Variants in MSL1 observed in about 807,000 individuals in gnomAD.
MSL1 encodes the protein male-specific lethal 1 homolog.
Under a neutral mutation model 64.6 loss-of-function variants are expected in MSL1, and 21 were observed. The ratio of observed to expected loss-of-function variants is 0.33; its 90% CI spans 0.23 to 0.47. The LOEUF (loss-of-function observed/expected upper bound fraction) is 0.47. Ranked by LOEUF, MSL1 falls within the 20% of genes least tolerant of loss-of-function variation. MSL1 has a pLI of 1.00. For missense variants in MSL1, 664 were observed against 793.2 expected, an observed-to-expected ratio of 0.84 and a Z score of 1.96; for synonymous variants, 339 against 329.6, an observed-to-expected ratio of 1.03 and a Z score of -0.31.
chr17:40,122,013 G>C lies in MSL1; in HGVS notation c.-600G>C, dbSNP rs1206002566. Among the ~76,000 whole-genome samples the C allele has an allele frequency of 6.6e-6, 1 of 151,542 alleles. No homozygotes were observed. The highest frequency in any genetic ancestry group is 1.5e-5 in the Non-Finnish European group (1 of 67,802). On this transcript the variant is annotated 5_prime_UTR_variant, in exon 1 of 9. Transcript: ENST00000398532. This position sits in a 1 kb window ranked among gnomAD's most constrained non-coding sequence, Gnocchi z 4.2. ...CGGCGGCTGCGGCGGTGGCGGCTAC[G>C]AGCGGCTCCGTTTTTTTAAAGGGAA...
At chr17:40,132,632 A>G (rs1281371999) in intron 5 of MSL1, among the ~76,000 whole-genome samples, 3 of 152,084 alleles carry the variant, frequency 2.0e-5, no homozygotes, top group African/African-American at 7.3e-5. Context: ...GAGTGACTCC[A>G]TCACACACAC....
In MSL1 at chr17:40,122,868, G is replaced by C; in HGVS notation, c.256G>C (p.Gly86Arg). The C allele has an allele frequency of 1.4e-6, 2 of 1,392,574 alleles. No homozygotes were observed. The highest frequency in any genetic ancestry group is 1.8e-6 in the Non-Finnish European group (2 of 1,083,038). The allele number at this position is 1,392,574 out of a possible 1,614,324, so 86.3% of individuals were successfully genotyped here. Residue 86 changes from glycine (G) to arginine (R), a missense_variant, in exon 1 of 9, where the codon GGG becomes CGG. Physicochemically the swap from Gly to Arg is moderately radical, Grantham distance 125 (BLOSUM62 -2). Around this residue, in one of 4 missense-constraint regions of MSL1, gnomAD observed 466 missense variants for 499.0 expected, o/e 0.93. Transcript: ENST00000398532. This position sits in a 1 kb window ranked among gnomAD's most constrained non-coding sequence, Gnocchi z 4.2. ...GKGRGLLLPA[G>R]AAPGQQEESW... ...GGGCCGGGGCTTGTTACTCCCGGCC[G>C]GGGCGGCCCCCGGGCAGCAGGAAGA...
At chr17:40,132,506 C>G (rs780244381) in intron 5 of MSL1, among the ~76,000 whole-genome samples, 5 of 151,978 alleles carry the variant, frequency 3.3e-5, no homozygotes, top group Non-Finnish European at 5.9e-5. Flanking sequence ...GGCGTGGTGG[C>G]GCACACCTGT....
At chr17:40,123,816 T>C (rs1988251266) in intron 1 of MSL1, among the ~76,000 whole-genome samples, 1 of 152,196 alleles carries the variant, frequency 6.6e-6, no homozygotes, top group Admixed American at 6.5e-5. Flanking sequence ...TCACCACTGC[T>C]GCAGCATCTT....
chr17:40,129,825 A>G (rs1429187324), intron 3 of MSL1, 198 bp downstream of exon 3: 1 of 588,058 alleles, frequency 1.7e-6, no homozygotes, highest in Non-Finnish European at 2.8e-6. Context: ...TGCTCAATGT[A>G]TTTGCCTGCT....
In MSL1 at chr17:40,126,192, C is replaced by T; in HGVS notation, c.778C>T (p.Arg260Trp). 6.2e-7 allele frequency: 1 copy of T among 1,613,912 alleles called. No individual in the cohort carries two copies. Among genetic ancestry groups the T allele is most frequent in the Non-Finnish European group, 8.5e-7 (1 of 1,179,878 alleles). The change falls in exon 2 of 9, where the codon CGG (arginine) becomes TGG (tryptophan). Residue 260 changes from arginine to tryptophan, a missense_variant. This residue lies in a region of MSL1 where 466 missense variants were observed against 499.0 expected (regional missense o/e 0.93). Coordinates refer to ENST00000398532, the MANE Select transcript of MSL1 (RefSeq NM_001365919.1). ...LKSERDTLLA[R>W]IERMERRMQL... Reference sequence around the variant, plus strand: ...CTACTCTCTCTTTTAGCTCCTTGCTCGGATTGAACGTATGGAAAGGCGGAT... The same window carrying T: ...CTACTCTCTCTTTTAGCTCCTTGCTTGGATTGAACGTATGGAAAGGCGGAT...
Position 40,126,400 on chromosome 17 carries a change from A to G in MSL1, c.986A>G (p.His329Arg). The G allele has an allele frequency of 6.2e-7, 1 of 1,613,918 alleles. No homozygotes were observed. Among genetic ancestry groups the G allele is most frequent in the Non-Finnish European group, 8.5e-7 (1 of 1,179,818 alleles). Reference protein sequence around the residue: ...PFSCGRSGKGHKRKSPFGSTE... With the variant: ...PFSCGRSGKGRKRKSPFGSTE... ...TCATGTGGGCGGAGTGGAAAGGGAC[A>G]TAAAAGGTGTGCTGATAACTTTGTT... Residue 329 changes from histidine to arginine, a missense_variant, in exon 2 of 9, where the codon CAT becomes CGT. Around this residue, in one of 4 missense-constraint regions of MSL1, gnomAD observed 466 missense variants for 499.0 expected, o/e 0.93. Transcript: ENST00000398532.
Position 40,129,424 on chromosome 17 carries a change from G to A in MSL1, c.1172G>A (p.Arg391Gln), listed in dbSNP as rs548057547. 74 of 1,612,806 alleles carry A rather than the reference G, an allele frequency of 4.6e-5. No homozygotes were observed. The highest frequency in any genetic ancestry group is 3.3e-4 in the Middle Eastern group (2 of 6,052). ...LRSQETPEKP[R>Q]SSVDTPPRLS... Reference sequence around the variant, plus strand: ...AGCCAAGAAACCCCAGAAAAGCCCCGGTCTTCAGTGGACACCCCACCAAGA... The same window carrying A: ...AGCCAAGAAACCCCAGAAAAGCCCCAGTCTTCAGTGGACACCCCACCAAGA... The change falls in exon 3 of 9, where the codon CGG becomes CAG. Residue 391 changes from arginine (R) to glutamine (Q), a missense_variant. Transcript: ENST00000398532.
At chr17:40,128,172 TGTG>T (rs1263371846) in intron 2 of MSL1, among the ~76,000 whole-genome samples, 3 of 151,634 alleles carry the variant, frequency 2.0e-5, no homozygotes, top group Non-Finnish European at 4.4e-5. Flanking sequence ...TTTCTTGGGA[TGTG>T]GTGGGGGAAG....
intron 1 of MSL1, chr17:40,124,902 G>A (rs1413827764): frequency 6.6e-6 from 1 of 152,130 alleles, no homozygotes; most frequent in Non-Finnish European, 1.5e-5. Flanking sequence ...AGGAAAAGTG[G>A]GGTGAGTTAA....
At chr17:40,127,484 G>T (rs570375821) in intron 2 of MSL1, among the ~76,000 whole-genome samples, 32 of 152,200 alleles carry the variant, frequency 2.1e-4, no homozygotes, top group Middle Eastern at 3.4e-3. Context: ...ATAAACTAAG[G>T]CTTTTTGTTT....
At chr17:40,133,699 G>A (rs757432612) in intron 7 of MSL1, 41 bp downstream of exon 7, 1 of 1,611,304 alleles carries the variant, frequency 6.2e-7, no homozygotes, top group Non-Finnish European at 8.5e-7. Flanking sequence ...TTTGAAAGAA[G>A]GAGGAGGGTG....
rs1336020667 is a variant in MSL1 at position 40,123,108 on chromosome 17, G to A, written c.496G>A (p.Ala166Thr). ...KGGAASPAATASDPAGPPPLP... is the reference protein window; with the variant it reads ...KGGAASPAATTSDPAGPPPLP... ...TGGGGCGGCCTCCCCCGCTGCCACC[G>A]CCTCGGACCCGGCGGGACCCCCACC... The change falls in exon 1 of 9, where the codon GCC (alanine) becomes ACC (threonine). Residue 166 changes from alanine (A) to threonine (T), a missense_variant. Physicochemically the swap from Ala to Thr is moderately conservative, Grantham distance 58. Around this residue, in one of 4 missense-constraint regions of MSL1, gnomAD observed 466 missense variants for 499.0 expected, o/e 0.93. Transcript: ENST00000398532. The A allele has an allele frequency of 1.3e-6, 2 of 1,529,804 alleles. No homozygotes were observed. Among genetic ancestry groups the A allele is most frequent in the Non-Finnish European group, 1.7e-6 (2 of 1,144,412 alleles). The allele number at this position is 1,529,804 out of a possible 1,614,324, so 94.8% of individuals were successfully genotyped here.
chr17:40,133,369 C>T (rs969148747), intron 6 of MSL1, 165 bp from the exon 7 acceptor site: 9 of 905,604 alleles, frequency 9.9e-6, no homozygotes, highest in African/African-American at 5.1e-5. Flanking sequence ...AACGGTAGAC[C>T]TAAACAGCTC....
chr17:40,129,136 T>G, intron 2 of MSL1, 109 bp from the exon 3 acceptor site: 1 of 950,494 alleles, frequency 1.1e-6, no homozygotes, highest in Non-Finnish European at 1.6e-6. Context: ...TGAATACTTG[T>G]CATTTTGGGG....
At chr17:40,126,626 T>G (rs9899425) in intron 2 of MSL1, 18,587 of 506,756 alleles carry the variant, frequency 0.037, 951 homozygotes, top group African/African-American at 0.17. Context: ...GGCCAACATT[T>G]TGAAACCCCG....
At position 40,122,557 on chromosome 17, in the gene MSL1, T is replaced by A; in HGVS notation, c.-56T>A. 38 of 803,710 alleles carry A rather than the reference T, an allele frequency of 4.7e-5. No homozygotes were observed. The highest frequency in any genetic ancestry group is 4.7e-4 in the Middle Eastern group (1 of 2,134). The allele number at this position is 803,710 out of a possible 1,614,324, so 49.8% of individuals were successfully genotyped here. ...CCCTCAGTCCTCGACCCCCCGCACC[T>A]CGCCCCTTCCCCACCCCCTCCTCCG... On this transcript the variant is annotated 5_prime_UTR_variant, in exon 1 of 9. Coordinates refer to ENST00000398532, the MANE Select transcript of MSL1 (RefSeq NM_001365919.1). The surrounding 1 kb of genome is among the most constrained non-coding windows in gnomAD (Gnocchi z 4.2).
chr17:40,132,109 A>G lies in MSL1; in HGVS notation c.1488+11A>G, dbSNP rs1182056633. On this transcript the variant is annotated intron_variant, in intron 5 of 8. Transcript: ENST00000398532. ...TCAGACCTTTTGGAGGTAGGTAACCAAGAGCACTCAATTGAAGAGAGTAAG... is the reference window on the plus strand; with the variant it reads ...TCAGACCTTTTGGAGGTAGGTAACCGAGAGCACTCAATTGAAGAGAGTAAG... 1.3e-6 allele frequency: 2 copies of G among 1,581,710 alleles called. No homozygotes were observed. The highest frequency in any genetic ancestry group is 1.7e-6 in the Non-Finnish European group (2 of 1,157,420).
At position 40,134,304 on chromosome 17, in the gene MSL1, G is replaced by A. The variant is rs1208881856; in HGVS notation, c.1780G>A (p.Glu594Lys). The A allele has an allele frequency of 1.3e-6, 2 of 1,556,938 alleles. No individual in the cohort carries two copies. Among genetic ancestry groups the A allele is most frequent in the Non-Finnish European group, 1.7e-6 (2 of 1,149,818 alleles). Reference sequence around the variant, plus strand: ...GAATTTTGAGCTACCCTGGTTGGATGAGCGTAGCCGATGCAGATTGGAGAT... The same window carrying A: ...GAATTTTGAGCTACCCTGGTTGGATAAGCGTAGCCGATGCAGATTGGAGAT... ...PQNFELPWLD[E>K]RSRCRLEIQK... The change falls in exon 9 of 9, where the codon GAG becomes AAG. Residue 594 changes from glutamate (E) to lysine (K), a missense_variant. Glu to Lys is a moderately conservative substitution (Grantham distance 56). Around this residue, in one of 4 missense-constraint regions of MSL1, gnomAD observed 76 missense variants for 98.5 expected, o/e 0.77. Coordinates refer to ENST00000398532, the MANE Select transcript of MSL1 (RefSeq NM_001365919.1).
Sources: gnomAD v4.1 joint callset for allele counts (sites outside exome capture counted in the v4.1 genomes callset) on GRCh38, gnomAD v4.1.1 for gene constraint, gnomAD v4.1.1 regional missense constraint, Gnocchi (gnomAD v3.1) non-coding constraint, MANE v1.5 for transcripts, NCBI Gene and HGNC (gene_info 2026-07-23, HGNC 2026-07-21) for gene names.